Variants in CDH10 observed in about 807,000 individuals in gnomAD.
CDH10 encodes cadherin 10.
A neutral mutation model predicts 73.1 loss-of-function variants in CDH10; 30 were observed. The observed-to-expected ratio is 0.41, with a 90% CI of 0.31 to 0.56. The LOEUF (loss-of-function observed/expected upper bound fraction) is 0.56. Among genes scored for constraint, CDH10 ranks in the 20% least tolerant of loss-of-function variants. The pLI is 0.27. For missense variants in CDH10, 815 were observed against 973.7 expected (o/e 0.84, Z 2.17); for synonymous variants, 345 against 348.2 (o/e 0.99, Z 0.10).
chr5:24,547,956 G>A (rs1327726594), intron 2 of CDH10, among the ~76,000 whole-genome samples: 1 of 152,156 alleles, frequency 6.6e-6, no homozygotes, highest in Non-Finnish European at 1.5e-5. Flanking sequence ...TGTTGAAGAA[G>A]CGTAAAGCAA....
intron 1 of CDH10, among the ~76,000 whole-genome samples, chr5:24,638,488 G>A (rs950080459): frequency 6.6e-6 from 1 of 151,772 alleles, no homozygotes; most frequent in African/African-American, 2.4e-5. Context: ...GTATATGTCT[G>A]TGCTTAGGAT....
intron 8 of CDH10, among the ~76,000 whole-genome samples, chr5:24,501,410 G>T (rs76701539): frequency 0.18 from 27,443 of 152,060 alleles, 2,650 homozygotes; most frequent in East Asian, 0.38. Flanking sequence ...CTAATTTTTT[G>T]GCTGGCAGAT....
In CDH10 at chr5:24,592,307, A is replaced by G. The variant is rs549653232; in HGVS notation, c.231+953T>C. ...AGATATTATAGTTAAGGTTAATGCA[A>G]GAATTGTCAAGGCAGTGATGTATGC... is the stretch of plus-strand genomic sequence containing the variant. On this transcript the variant is annotated intron_variant, in intron 2 of 11. Coordinates refer to ENST00000264463, the MANE Select transcript of CDH10 (RefSeq NM_006727.5). Among the ~76,000 whole-genome samples the G allele has an allele frequency of 1.8e-4, 27 of 152,026 alleles. 1 individual carries two copies. The highest frequency in any genetic ancestry group is 1.2e-3 in the South Asian group (6 of 4,828).
intron 2 of CDH10, among the ~76,000 whole-genome samples, chr5:24,592,360 A>T (rs1310955364): frequency 1.3e-5 from 2 of 151,826 alleles, no homozygotes; most frequent in Non-Finnish European, 2.9e-5. Context: ...TTAACATGTG[A>T]TTTATGTTAG....
intron 8 of CDH10, among the ~76,000 whole-genome samples, chr5:24,500,151 A>G (rs542802081): frequency 1.3e-3 from 195 of 152,326 alleles, no homozygotes; most frequent in African/African-American, 4.5e-3. Context: ...GGTAAAATAT[A>G]TTGTCACATA....
At chr5:24,581,309 C>A (rs1284712371) in intron 2 of CDH10, among the ~76,000 whole-genome samples, 1 of 152,158 alleles carries the variant, frequency 6.6e-6, no homozygotes, top group African/African-American at 2.4e-5. Context: ...AAAACAGTAA[C>A]CCCTTGATAA....
chr5:24,623,038 A>G (rs927153667), intron 1 of CDH10, among the ~76,000 whole-genome samples: 6 of 152,178 alleles, frequency 3.9e-5, no homozygotes, highest in African/African-American at 1.2e-4. Flanking sequence ...TATAATGCCA[A>G]TTGTAGGGAA....
chr5:24,545,226 C>T (rs1055497729), intron 2 of CDH10, among the ~76,000 whole-genome samples: 30 of 152,160 alleles, frequency 2.0e-4, no homozygotes, highest in African/African-American at 5.5e-4. Flanking sequence ...TGACATTGAA[C>T]GTTTTTACAC....
intron 2 of CDH10, among the ~76,000 whole-genome samples, chr5:24,549,740 C>T (rs147034447): frequency 0.011 from 1,734 of 151,746 alleles, 35 homozygotes; most frequent in African/African-American, 0.038. Flanking sequence ...TTAGTAGAGA[C>T]GAGGTTTCAC....
intron 2 of CDH10, among the ~76,000 whole-genome samples, chr5:24,566,154 T>C (rs112880393): frequency 2.0e-3 from 306 of 152,250 alleles, no homozygotes; most frequent in Non-Finnish European, 3.7e-3. Context: ...GTTAAAGCCA[T>C]TCTCATGCCT....
At chr5:24,610,292 T>A (rs1190759089) in intron 1 of CDH10, among the ~76,000 whole-genome samples, 5 of 152,218 alleles carry the variant, frequency 3.3e-5, no homozygotes, top group Non-Finnish European at 7.3e-5. Context: ...TAAACATACA[T>A]GTGTTGGACT....
At chr5:24,545,159 T>C (rs1159670326) in intron 2 of CDH10, among the ~76,000 whole-genome samples, 1 of 152,182 alleles carries the variant, frequency 6.6e-6, no homozygotes, top group Non-Finnish European at 1.5e-5. Flanking sequence ...GCCAGGACTC[T>C]TCTTATATTT....
intron 11 of CDH10, among the ~76,000 whole-genome samples, chr5:24,488,886 A>T (rs1360413481): frequency 6.6e-6 from 1 of 151,210 alleles, no homozygotes; most frequent in Non-Finnish European, 1.5e-5. Flanking sequence ...AAATGTATGA[A>T]TCTTGGCTAG....
At chr5:24,642,743 G>A (rs1358139578) in intron 1 of CDH10, among the ~76,000 whole-genome samples, 1 of 152,078 alleles carries the variant, frequency 6.6e-6, no homozygotes, top group Non-Finnish European at 1.5e-5. Flanking sequence ...TGCATATGTA[G>A]GTGGATGCTC....
Position 24,535,234 on chromosome 5 carries a change from T to C in CDH10, c.692A>G (p.Glu231Gly). 3 of 1,613,266 alleles carry C rather than the reference T, an allele frequency of 1.9e-6. No individual in the cohort carries two copies. In the South Asian group the frequency reaches 3.3e-5, roughly 18 times the overall value. ...ALPNMNRENREQYQVVIQAKD... is the reference protein window; with the variant it reads ...ALPNMNRENRGQYQVVIQAKD... ...GGCCTGGATGACCACTTGGTATTGCTCTCTGTTTTCTCTGTTCATGTTCGG... is the reference window on the plus strand; with the variant it reads ...GGCCTGGATGACCACTTGGTATTGCCCTCTGTTTTCTCTGTTCATGTTCGG... The change falls in exon 5 of 12, where the codon GAG (glutamate) becomes GGG (glycine). Residue 231 changes from glutamate to glycine, a missense_variant. Around this residue, in one of 3 missense-constraint regions of CDH10, gnomAD observed 516 missense variants for 636.6 expected, o/e 0.81. Transcript: ENST00000264463.
chr5:24,572,513 A>G (rs549964115), intron 2 of CDH10, among the ~76,000 whole-genome samples: 2 of 152,264 alleles, frequency 1.3e-5, no homozygotes, highest in African/African-American at 4.8e-5. Context: ...CAGTTTGACA[A>G]AACAATTAAT....
intron 1 of CDH10, among the ~76,000 whole-genome samples, chr5:24,630,018 T>C (rs79625446): frequency 0.014 from 2,194 of 152,282 alleles, 42 homozygotes; most frequent in African/African-American, 0.046. Context: ...ACTTATATGG[T>C]GCATGAGTTT....
chr5:24,529,881 A>G (rs1363557264), intron 5 of CDH10, among the ~76,000 whole-genome samples: 2 of 151,992 alleles, frequency 1.3e-5, no homozygotes, highest in Non-Finnish European at 2.9e-5. Flanking sequence ...GCATGATTCT[A>G]TAAAAGCCAG....
chr5:24,586,840 A>ATTTTTTTTTTTTTTTTTTTTTT (rs1746023448), intron 2 of CDH10, among the ~76,000 whole-genome samples: 1 of 100,608 alleles, frequency 9.9e-6, no homozygotes, highest in Non-Finnish European at 1.9e-5. Flanking sequence ...GATAGCCCAT[A>ATTTTTTTTTTTTTTTTTTTTTT]TTCTTTTTTT....
Sources: gnomAD v4.1 joint callset for allele counts (sites outside exome capture counted in the v4.1 genomes callset) on GRCh38, gnomAD v4.1.1 for gene constraint, gnomAD v4.1.1 regional missense constraint, MANE v1.5 for transcripts, NCBI Gene and HGNC (gene_info 2026-07-23, HGNC 2026-07-21) for gene names.